HSPA8: variants seen among roughly 807,000 people sequenced by gnomAD.
The protein encoded by HSPA8 is heat shock protein family A (Hsp70) member 8.
In HSPA8, 2 loss-of-function variants were observed where a neutral mutation model predicts 52.8. The observed-to-expected ratio is 0.04, with a 90% CI of 0.02 to 0.12. The LOEUF (loss-of-function observed/expected upper bound fraction) is 0.12, where lower values mean the gene tolerates loss of function less well. Among genes scored for constraint, HSPA8 ranks in the 10% least tolerant of loss-of-function variants. HSPA8 has a pLI of 1.00. For synonymous variants in HSPA8, 436 were observed against 274.0 expected (o/e 1.59, Z -5.84); for missense variants, 349 against 800.5 (o/e 0.44, Z 6.81).
intron 8 of HSPA8, 127 bp downstream of exon 8, chr11:123,058,125 G>A: frequency 1.3e-6 from 1 of 749,630 alleles, no homozygotes; most frequent in Non-Finnish European, 2.2e-6. Context: ...GAATTCTGGT[G>A]GAAACCGCGA....
At position 123,059,068 on chromosome 11, in the gene HSPA8, C is replaced by T. The variant is rs774454573; in HGVS notation, c.1314G>A (p.Val438=). ...FTTYSDNQPG[V]LIQVYEGERA... is the part of the protein sequence containing the mutation. ...AAGTACAGAAACATACCTGAATAAG[C>T]ACACCAGGCTGGTTGTCAGAATAGG... The change falls in exon 6 of 9, where the codon GTG becomes GTA. Residue 438 remains valine (V), a synonymous_variant. Transcript: ENST00000534624. 7 of 1,612,510 alleles carry T rather than the reference C, an allele frequency of 4.3e-6. No individual in the cohort carries two copies. The East Asian group carries it at 1.6e-4, about 36-fold the overall frequency.
At position 123,057,862 on chromosome 11, in the gene HSPA8, G is replaced by A; in HGVS notation, c.1813C>T (p.Pro605Ser). ...QQKELEKVCN[P>S]IITKLYQSAG... ...CTCTGGTACAGCTTGGTGATGATGG[G>A]GTTGCAAACTTTCTCCAGCTCTTTC... is the stretch of plus-strand genomic sequence containing the variant. The change falls in exon 9 of 9, where the codon CCC (proline) becomes TCC (serine). Residue 605 changes from proline to serine, a missense_variant. Pro to Ser is a moderately conservative substitution (Grantham distance 74, BLOSUM62 -1). Coordinates refer to ENST00000534624, the MANE Select transcript of HSPA8 (RefSeq NM_006597.6). The A allele has an allele frequency of 1.2e-6, 2 of 1,612,838 alleles. No individual in the cohort carries two copies. Among genetic ancestry groups the A allele is most frequent in the Non-Finnish European group, 1.7e-6 (2 of 1,179,490 alleles).
At position 123,057,940 on chromosome 11, in the gene HSPA8, T is replaced by A. The variant is rs779109914; in HGVS notation, c.1756-21A>T. On this transcript the variant is annotated intron_variant, in intron 8 of 8. Transcript: ENST00000534624. ...GCAGTCTGAGGAAGAGAAAAAGGAA[T>A]TACTGCAAGTTCTTTTAATGTTAAT... The A allele has an allele frequency of 5.2e-6, 8 of 1,551,812 alleles. No homozygotes were observed. The African/African-American group carries it at 1.1e-4, about 21-fold the overall frequency.
At position 123,059,272 on chromosome 11, in the gene HSPA8, A is replaced by T; in HGVS notation, c.1121-11T>A. 1 of 1,608,814 alleles carries T rather than the reference A, an allele frequency of 6.2e-7. No homozygotes were observed. Among genetic ancestry groups the T allele is most frequent in the Non-Finnish European group, 8.5e-7 (1 of 1,176,460 alleles). The stretch of plus-strand genomic sequence containing the variant: ...TGGCTGCCTGGACAGCTAGCAAACA[A>T]AAAGTTAACGTTAAAAGAAGTTAAA... On this transcript the variant is annotated splice_polypyrimidine_tract_variant and intron_variant, in intron 5 of 8. Transcript: ENST00000534624.
At chr11:123,059,026 A>C (rs758814245) in intron 6 of HSPA8, 33 bp downstream of exon 6, 1 of 1,570,720 alleles carries the variant, frequency 6.4e-7, no homozygotes, top group Non-Finnish European at 8.8e-7. Context: ...ATCTGTTATC[A>C]GTAAGCCAAA....
chr11:123,061,683 T>C (rs1384811842), intron 1 of HSPA8: 3 of 313,556 alleles, frequency 9.6e-6, no homozygotes, highest in Admixed American at 4.7e-5. Flanking sequence ...ACCCCCATAC[T>C]GGAAGCACGC....
chr11:123,061,190 C>T lies in HSPA8; in HGVS notation c.135G>A (p.Thr45=), dbSNP rs775162274. 4.4e-5 allele frequency: 71 copies of T among 1,613,688 alleles called. 1 individual carries two copies. The highest frequency in any genetic ancestry group is 5.6e-5 in the Non-Finnish European group (66 of 1,179,842). ...CATCACCGATCAACCGTTCAGTGTC[C>T]GTAAAGGCGACATAGCTTGGAGTGG... The part of the protein sequence containing the change: ...NRTTPSYVAF[T]DTERLIGDAA... Residue 45 remains threonine, a synonymous_variant, in exon 2 of 9, where the codon ACG becomes ACA. Transcript: ENST00000534624.
chr11:123,058,211 C>T lies in HSPA8; in HGVS notation c.1755+41G>A, dbSNP rs765915245. The T allele has an allele frequency of 5.8e-6, 7 of 1,211,484 alleles. No homozygotes were observed. The African/African-American group carries it at 7.0e-5, about 12-fold the overall frequency. 75.0% of individuals were successfully genotyped at this position (1,211,484 alleles called of 1,614,324 possible). ...CTTGGTTTACCATCCCCTTCCCCTC[C>T]ATTGAGTGGGGGAGGAAAAAAAAAA... On this transcript the variant is annotated intron_variant, in intron 8 of 8. Coordinates refer to ENST00000534624, the MANE Select transcript of HSPA8 (RefSeq NM_006597.6).
chr11:123,061,533 A>G (rs906634028), intron 1 of HSPA8: 1 of 594,522 alleles, frequency 1.7e-6, no homozygotes, highest in African/African-American at 1.9e-5. Flanking sequence ...CACGCCCTAG[A>G]TGAAGGACCC....
rs371413585 is a variant in HSPA8 at position 123,057,933 on chromosome 11, A to C, written c.1756-14T>G. On this transcript the variant is annotated splice_polypyrimidine_tract_variant and intron_variant, in intron 8 of 8. Transcript: ENST00000534624. ...CTTCTCAGCAGTCTGAGGAAGAGAA[A>C]AAGGAATTACTGCAAGTTCTTTTAA... 2.7e-5 allele frequency: 42 copies of C among 1,576,954 alleles called. No individual in the cohort carries two copies. Among genetic ancestry groups the C allele is most frequent in the Admixed American group, 3.8e-5 (2 of 52,540 alleles).
chr11:123,060,913 A>ATGAACTGT, intron 2 of HSPA8, 115 bp from the exon 3 acceptor site: 1 of 997,350 alleles, frequency 1.0e-6, no homozygotes, highest in Non-Finnish European at 1.5e-6. Context: ...CAACTACCAT[A>ATGAACTGT]TAGGTAGCAA....
intron 2 of HSPA8, 118 bp downstream of exon 2, chr11:123,061,002 T>C (rs1865482090): frequency 2.1e-6 from 2 of 963,066 alleles, no homozygotes; most frequent in Non-Finnish European, 3.2e-6. Context: ...ACAGACTTGA[T>C]AACAAGTCTC....
At chr11:123,057,964 A>T (rs1342196732) in intron 8 of HSPA8, 45 bp from the exon 9 acceptor site, 1 of 1,449,626 alleles carries the variant, frequency 6.9e-7, no homozygotes. Context: ...TTTAATGTTA[A>T]TAACCCTTCT....
rs746913030 is a variant in HSPA8 at position 123,059,299 on chromosome 11, G to A, written c.1121-38C>T. ...AAGTTAACGTTAAAAGAAGTTAAAA[G>A]AAAACCCAGTACATAGCTCCTGTTT... On this transcript the variant is annotated intron_variant, in intron 5 of 8. Coordinates refer to ENST00000534624, the MANE Select transcript of HSPA8 (RefSeq NM_006597.6). 28 of 1,563,940 alleles carry A rather than the reference G, an allele frequency of 1.8e-5. No individual in the cohort carries two copies. The Admixed American group carries it at 3.3e-4, about 19-fold the overall frequency.
intron 1 of HSPA8, 104 bp from the exon 2 acceptor site, chr11:123,061,433 A>G (rs1217132538): frequency 8.2e-6 from 7 of 848,610 alleles, no homozygotes; most frequent in Non-Finnish European, 1.3e-5. Context: ...CACTGCCAAG[A>G]GGTAATAGTG....
In HSPA8 at chr11:123,059,143, G is replaced by A. The variant is rs1319984868; in HGVS notation, c.1239C>T (p.Leu413=). ...IETAGGVMTV[L]IKRNTTIPTK... The stretch of plus-strand genomic sequence containing the variant: ...TAGGAATGGTGGTATTACGCTTGAT[G>A]AGGACAGTCATGACTCCACCAGCAG... Residue 413 remains leucine, a synonymous_variant, in exon 6 of 9, where the codon CTC becomes CTT. Coordinates refer to ENST00000534624, the MANE Select transcript of HSPA8 (RefSeq NM_006597.6). 3 of 1,612,130 alleles carry A rather than the reference G, an allele frequency of 1.9e-6. No individual in the cohort carries two copies. Among genetic ancestry groups the A allele is most frequent in the Admixed American group, 3.3e-5 (2 of 60,004 alleles).
At chr11:123,060,536 AGTCATCG>A (rs1441831352) in intron 3 of HSPA8, 50 bp downstream of exon 3, 1 of 1,295,694 alleles carries the variant, frequency 7.7e-7, no homozygotes, top group African/African-American at 1.5e-5. Context: ...TGCCCCCGGG[AGTCATCG>A]GGCTTTTAAC....
chr11:123,060,534 G>T (rs1172735336), intron 3 of HSPA8, 59 bp downstream of exon 3: 4 of 1,299,920 alleles, frequency 3.1e-6, no homozygotes, highest in Non-Finnish European at 4.5e-6. Context: ...AGTGCCCCCG[G>T]GAGTCATCGG....
chr11:123,060,692 T>C lies in HSPA8; in HGVS notation c.312A>G (p.Gln104=), dbSNP rs1470537425. 13 of 1,613,590 alleles carry C rather than the reference T, an allele frequency of 8.1e-6. No homozygotes were observed. The East Asian group carries it at 2.7e-4, about 33-fold the overall frequency. ...TTTTGGTCTCTCCCTTGTATTCTACTTGGACCTTGGGCCTGCCAGCATCAT... is the reference window on the plus strand; with the variant it reads ...TTTTGGTCTCTCCCTTGTATTCTACCTGGACCTTGGGCCTGCCAGCATCAT... ...VVNDAGRPKV[Q]VEYKGETKSF... The change falls in exon 3 of 9, where the codon CAA becomes CAG. Residue 104 remains glutamine (Q), a synonymous_variant. Transcript: ENST00000534624.
Sources: gnomAD v4.1 joint callset for allele counts on GRCh38, gnomAD v4.1.1 for gene constraint, MANE v1.5 for transcripts, NCBI Gene and HGNC (gene_info 2026-07-23, HGNC 2026-07-21) for gene names.